Variants in ZNF875 observed in about 807,000 individuals in gnomAD.
ZNF875 encodes the protein zinc finger protein 875.
In ZNF875, 14 loss-of-function variants were observed where a neutral mutation model predicts 11.2. That is an observed-to-expected ratio of 1.26 (90% CI 0.83 to 1.96). ZNF875 has a LOEUF of 1.96. Among genes scored for constraint, ZNF875 ranks in the 30% most tolerant of loss-of-function variants. The pLI, the probability that ZNF875 is intolerant of heterozygous loss-of-function variation, is 0.00. For synonymous variants in ZNF875, 301 were observed against 281.1 expected (o/e 1.07, Z -0.71); for missense variants, 752 against 760.4 (o/e 0.99, Z 0.13).
At chr19:37,339,762 A>G (rs1401212245) in intron 2 of ZNF875, among the ~76,000 whole-genome samples, 1 of 151,606 alleles carries the variant, frequency 6.6e-6, no homozygotes. Flanking sequence ...ACAGGGTTTC[A>G]CCATATTGGC....
intron 2 of ZNF875, among the ~76,000 whole-genome samples, chr19:37,338,280 G>A (rs746920482): frequency 3.3e-5 from 5 of 152,034 alleles, no homozygotes; most frequent in Non-Finnish European, 7.4e-5. Context: ...ATGCCACCAC[G>A]CCCGGCTAAT....
chr19:37,338,586 T>G (rs1029653332), intron 2 of ZNF875, among the ~76,000 whole-genome samples: 5 of 152,166 alleles, frequency 3.3e-5, no homozygotes, highest in Admixed American at 6.5e-5. Context: ...AACAACTTGT[T>G]CTTCAATGTA....
At chr19:37,320,076 A>G (rs954965066) in intron 1 of ZNF875, among the ~76,000 whole-genome samples, 3 of 151,918 alleles carry the variant, frequency 2.0e-5, no homozygotes, top group Non-Finnish European at 4.4e-5. Flanking sequence ...TTCAGTAGAG[A>G]TGGGGTTTCA....
chr19:37,333,004 C>T (rs1360073831), upstream of ZNF875, among the ~76,000 whole-genome samples: 1 of 152,192 alleles, frequency 6.6e-6, no homozygotes, highest in African/African-American at 2.4e-5. Flanking sequence ...TAAATGCTTT[C>T]CTAGATGTCT....
At chr19:37,338,679 C>T (rs1306178925) in intron 2 of ZNF875, among the ~76,000 whole-genome samples, 11 of 152,250 alleles carry the variant, frequency 7.2e-5, no homozygotes. Flanking sequence ...CTCTGTGTCT[C>T]TCATGCCTAG....
chr19:37,348,454 T>C (rs2037248720), intron 4 of ZNF875, among the ~76,000 whole-genome samples: 1 of 152,230 alleles, frequency 6.6e-6, no homozygotes, highest in Non-Finnish European at 1.5e-5. Context: ...TGCATGGCTT[T>C]ATCATTTCCT....
intron 4 of ZNF875, 199 bp from the exon 5 acceptor site, chr19:37,361,910 G>A (rs895186860): frequency 5.0e-5 from 25 of 503,600 alleles, no homozygotes; most frequent in Admixed American, 3.4e-4. Context: ...GAAAGACTCC[G>A]TTTAAAAAAA....
intron 2 of ZNF875, among the ~76,000 whole-genome samples, chr19:37,343,370 C>CAAAA (rs34474063): frequency 1.7e-5 from 2 of 120,982 alleles, no homozygotes; most frequent in African/African-American, 6.0e-5. Flanking sequence ...AAAATAAAAC[C>CAAAA]AAAAAAAAAA....
Position 37,339,417 on chromosome 19 carries a change from A to G in ZNF875, c.33+4160A>G, listed in dbSNP as rs76995154. On this transcript the variant is annotated intron_variant, in intron 2 of 4. Transcript: ENST00000392153. Reference sequence around the variant, plus strand: ...TTTAACTGTTGCAAATAATACTTCTATGATCAGCTTTGTACATGAAATTCT... The same window carrying G: ...TTTAACTGTTGCAAATAATACTTCTGTGATCAGCTTTGTACATGAAATTCT... Among the ~76,000 whole-genome samples the G allele has an allele frequency of 6.9e-3, 1,049 of 152,142 alleles. 12 individuals carry two copies. The highest frequency in any genetic ancestry group is 0.023 in the African/African-American group (938 of 41,500).
Position 37,334,649 on chromosome 19 carries a change from A to G in ZNF875, c.-190A>G, listed in dbSNP as rs2033904296. 1 of 455,738 alleles carries G rather than the reference A, an allele frequency of 2.2e-6. No homozygotes were observed. The highest frequency in any genetic ancestry group is 2.0e-5 in the African/African-American group (1 of 50,050). 28.2% of individuals were successfully genotyped at this position (455,738 alleles called of 1,614,324 possible). ...AGTGTGTAGCGTTGACGTCAGAAACACTTCCGGTCGGTGGCCCAGGCGCGT... is the reference window on the plus strand; with the variant it reads ...AGTGTGTAGCGTTGACGTCAGAAACGCTTCCGGTCGGTGGCCCAGGCGCGT... On this transcript the variant is annotated 5_prime_UTR_variant, in exon 1 of 5. Coordinates refer to ENST00000392153, the MANE Select transcript of ZNF875 (RefSeq NM_001353803.2).
chr19:37,321,436 C>G (rs998919695), intron 1 of ZNF875, among the ~76,000 whole-genome samples: 1 of 152,146 alleles, frequency 6.6e-6, no homozygotes, highest in South Asian at 2.1e-4. Flanking sequence ...CCTGCTGACC[C>G]TCTCCCCACT....
chr19:37,317,922 T>G (rs528049049), exon 1 of ZNF875: 1 of 154,508 alleles, frequency 6.5e-6, no homozygotes, highest in Non-Finnish European at 1.4e-5. Context: ...GGTCTGCAGA[T>G]GGCGTCCGAG....
chr19:37,345,451 G>A (rs1038849837), intron 2 of ZNF875, among the ~76,000 whole-genome samples: 1 of 152,160 alleles, frequency 6.6e-6, no homozygotes, highest in Non-Finnish European at 1.5e-5. Context: ...GGTACAGTGT[G>A]GAATTAGTTT....
intron 1 of ZNF875, among the ~76,000 whole-genome samples, chr19:37,320,726 C>T (rs544902303): frequency 1.3e-5 from 2 of 152,302 alleles, no homozygotes; most frequent in Admixed American, 1.3e-4. Context: ...AGAGGGGGCT[C>T]AGCTGGGACT....
At chr19:37,333,418 C>T (rs2033709521), upstream of ZNF875, among the ~76,000 whole-genome samples, 2 of 152,178 alleles carry the variant, frequency 1.3e-5, no homozygotes, top group African/African-American at 2.4e-5. Context: ...ATAGGGCTCT[C>T]GGCTGATCCT....
Position 37,347,186 on chromosome 19 carries a change from A to C in ZNF875, c.34-4A>C. 6.2e-7 allele frequency: 1 copy of C among 1,613,982 alleles called. No individual in the cohort carries two copies. Among genetic ancestry groups the C allele is most frequent in the Non-Finnish European group, 8.5e-7 (1 of 1,179,958 alleles). Reference sequence around the variant, plus strand: ...GGTGAGCAGAGGTGTGTTTTGTGTTAAAGGCGTTCGTGGCATTCAGGGATG... The same window carrying C: ...GGTGAGCAGAGGTGTGTTTTGTGTTCAAGGCGTTCGTGGCATTCAGGGATG... On this transcript the variant is annotated splice_polypyrimidine_tract_variant and splice_region_variant and intron_variant, in intron 2 of 4. Transcript: ENST00000392153.
chr19:37,347,279 G>T lies in ZNF875; in HGVS notation c.123G>T (p.Glu41Asp). 1 of 1,614,082 alleles carries T rather than the reference G, an allele frequency of 6.2e-7. No homozygotes were observed. The highest frequency in any genetic ancestry group is 8.5e-7 in the Non-Finnish European group (1 of 1,179,934). The change falls in exon 3 of 5, where the codon GAG becomes GAT. Residue 41 changes from glutamate to aspartate, a missense_variant. Physicochemically the swap from Glu to Asp is conservative, Grantham distance 45. Coordinates refer to ENST00000392153, the MANE Select transcript of ZNF875 (RefSeq NM_001353803.2). The part of the protein sequence containing the change: ...LSPAQRTLHR[E>D]VMLETYNHLV... ...CTGCTCAGAGGACCCTGCACAGGGA[G>T]GTGATGCTGGAGACTTATAACCATC...
intron 2 of ZNF875, chr19:37,346,715 T>G (rs1055477707): frequency 5.9e-6 from 1 of 170,016 alleles, no homozygotes; most frequent in African/African-American, 2.4e-5. Context: ...GCCTGGGATA[T>G]TGACAGTAAG....
chr19:37,314,933 A>C (rs2145598920), upstream of ZNF875: 1 of 152,276 alleles, frequency 6.6e-6, no homozygotes, highest in South Asian at 2.1e-4. Flanking sequence ...TTGAAAGTGT[A>C]AAATTCAACG....
Sources: allele counts gnomAD v4.1 joint callset (sites outside exome capture counted in the v4.1 genomes callset), GRCh38; gene constraint gnomAD v4.1.1; transcripts MANE v1.5; gene names NCBI Gene and HGNC (gene_info 2026-07-23, HGNC 2026-07-21).